Variants in CPM observed in about 807,000 individuals in gnomAD.
CPM encodes renal carboxypeptidase.
Under a neutral mutation model 46.4 loss-of-function variants are expected in CPM, and 35 were observed. That is an observed-to-expected ratio of 0.75 (90% CI 0.58 to 1.00). The LOEUF is 1.00. Ranked by LOEUF, CPM falls within the 50% of genes least tolerant of loss-of-function variation. The pLI, the probability that CPM is intolerant of heterozygous loss-of-function variation, is 0.00. For missense variants in CPM, 422 were observed against 530.4 expected (o/e 0.80, Z 2.01); for synonymous variants, 195 against 195.3 (o/e 1.00, Z 0.01).
downstream of CPM, chr12:68,848,527 A>C (rs1884484118): frequency 2.0e-5 from 3 of 152,202 alleles, no homozygotes; most frequent in African/African-American, 7.2e-5. Flanking sequence ...GGCAAAAAAG[A>C]AGCATTCTAA....
chr12:68,863,306 G>A (rs1376055893), intron 7 of CPM, among the ~76,000 whole-genome samples: 1 of 152,200 alleles, frequency 6.6e-6, no homozygotes, highest in Non-Finnish European at 1.5e-5. Flanking sequence ...GAAAGACAGG[G>A]CCGCAGCAGG....
In CPM at chr12:68,858,935, A is replaced by T. The variant is rs1143653; in HGVS notation, c.1077T>A (p.Ser359=). The change falls in exon 8 of 9, where the codon TCT becomes TCA. Residue 359 remains serine (S), a synonymous_variant. Transcript: ENST00000551568. The part of the protein sequence containing the change: ...GEYYLLLLPG[S]YIINVTVPGH... ...ATTGCATACTTACATTTATTATATA[A>T]GACCCAGGCAAGAGAAGGAGATAAT... The T allele has an allele frequency of 6.7e-7, 1 of 1,492,194 alleles. No individual in the cohort carries two copies. The highest frequency in any genetic ancestry group is 2.5e-5 in the East Asian group (1 of 40,532). The allele number at this position is 1,492,194 out of a possible 1,614,324, so 92.4% of individuals were successfully genotyped here. A position where few individuals can be genotyped will look rare whatever the true frequency, so the allele number is the denominator to read the frequency against.
At chr12:68,952,056 G>A (rs979120556) in intron 1 of CPM, among the ~76,000 whole-genome samples, 2 of 152,112 alleles carry the variant, frequency 1.3e-5, no homozygotes, top group African/African-American at 4.8e-5. Context: ...TTGTGCTATG[G>A]CATTTGAGAT....
chr12:68,866,357 G>A (rs11177398), intron 7 of CPM, among the ~76,000 whole-genome samples: 3 of 152,078 alleles, frequency 2.0e-5, no homozygotes, highest in East Asian at 3.9e-4. Context: ...TTTTTGAGAT[G>A]GAGTCTTACT....
At chr12:68,917,112 C>T (rs1480997531) in intron 2 of CPM, among the ~76,000 whole-genome samples, 1 of 152,128 alleles carries the variant, frequency 6.6e-6, no homozygotes, top group Non-Finnish European at 1.5e-5. Context: ...TCCTTTCTCC[C>T]CTCCAGCCAC....
downstream of CPM, chr12:68,849,831 T>G (rs1435092893): frequency 6.6e-6 from 1 of 150,452 alleles, no homozygotes; most frequent in African/African-American, 2.5e-5. Flanking sequence ...CAGGCTAGTC[T>G]CGAACTCCTG....
intron 1 of CPM, among the ~76,000 whole-genome samples, chr12:68,948,174 C>T (rs1322664901): frequency 5.3e-5 from 8 of 152,156 alleles, no homozygotes; most frequent in Non-Finnish European, 1.2e-4. Context: ...TTGATCTGTT[C>T]CCTCGAGCAC....
intron 7 of CPM, among the ~76,000 whole-genome samples, chr12:68,861,591 G>A (rs1885216432): frequency 1.3e-5 from 2 of 151,120 alleles, no homozygotes; most frequent in African/African-American, 2.4e-5. Flanking sequence ...CTGCAATGGC[G>A]CGATCTCAGC....
chr12:68,927,325 C>A (rs1345536457), intron 2 of CPM, among the ~76,000 whole-genome samples: 1 of 151,416 alleles, frequency 6.6e-6, no homozygotes, highest in Non-Finnish European at 1.5e-5. Context: ...TGATGGTGAG[C>A]ATTTTTTCAT....
At chr12:68,872,828 T>C (rs1197334247) in intron 3 of CPM, among the ~76,000 whole-genome samples, 3 of 152,040 alleles carry the variant, frequency 2.0e-5, no homozygotes, top group African/African-American at 4.8e-5. Flanking sequence ...CTTTTCTAGA[T>C]ATATATTTCT....
intron 7 of CPM, among the ~76,000 whole-genome samples, chr12:68,861,774 C>T (rs1490066640): frequency 1.3e-5 from 2 of 151,522 alleles, no homozygotes; most frequent in Non-Finnish European, 2.9e-5. Flanking sequence ...ATGATCCGCC[C>T]GCCTCAGCCT....
chr12:68,916,476 GATT>G (rs1484460998), intron 2 of CPM, among the ~76,000 whole-genome samples: 2 of 152,134 alleles, frequency 1.3e-5, no homozygotes, highest in African/African-American at 4.8e-5. Context: ...AGCTCTCAGG[GATT>G]ATTATTTTTA....
chr12:68,933,911 C>T (rs530357080), upstream of CPM, among the ~76,000 whole-genome samples: 1 of 152,318 alleles, frequency 6.6e-6, no homozygotes, highest in Admixed American at 6.5e-5. Flanking sequence ...CTTCCTCCAC[C>T]TGCACCTGAG....
intron 1 of CPM, among the ~76,000 whole-genome samples, chr12:68,959,917 C>T (rs1002728852): frequency 1.3e-5 from 2 of 152,188 alleles, no homozygotes; most frequent in Admixed American, 6.5e-5. Context: ...CAAGAAAAAT[C>T]GGTTAGCTTC....
At chr12:68,961,300 C>T (rs538337052) in intron 1 of CPM, among the ~76,000 whole-genome samples, 2 of 152,246 alleles carry the variant, frequency 1.3e-5, no homozygotes, top group Non-Finnish European at 2.9e-5. Context: ...CACATGCCCC[C>T]ATGCCTGGCT....
chr12:68,917,932 G>C (rs1284035353), intron 2 of CPM, among the ~76,000 whole-genome samples: 1 of 152,176 alleles, frequency 6.6e-6, no homozygotes, highest in African/African-American at 2.4e-5. Context: ...AATCCCTACA[G>C]AGAGAGGACA....
chr12:68,926,710 C>T lies in CPM; in HGVS notation c.160+5968G>A, dbSNP rs370840106. The stretch of plus-strand genomic sequence containing the variant: ...TATATCTCCTAATGCTATCCCTCCC[C>T]GCTCCCCCAACCCCACAACAGTCCC... On this transcript the variant is annotated intron_variant, in intron 2 of 8. Transcript: ENST00000551568. Among the ~76,000 whole-genome samples, 29 of 152,192 alleles carry T rather than the reference C, an allele frequency of 1.9e-4. No individual in the cohort carries two copies. The East Asian group carries it at 2.7e-3, about 14-fold the overall frequency.
intron 8 of CPM, among the ~76,000 whole-genome samples, chr12:68,857,912 C>A (rs1458325097): frequency 6.6e-6 from 1 of 151,938 alleles, no homozygotes; most frequent in Non-Finnish European, 1.5e-5. Flanking sequence ...AATAAAGGGC[C>A]TTTTTAGACA....
At chr12:68,906,456 C>T (rs1887352067) in intron 2 of CPM, among the ~76,000 whole-genome samples, 1 of 151,862 alleles carries the variant, frequency 6.6e-6, no homozygotes, top group Admixed American at 6.6e-5. Context: ...ATACAATATG[C>T]AGAGAAAGCT....
Sources: allele counts gnomAD v4.1 joint callset (sites outside exome capture counted in the v4.1 genomes callset), GRCh38; gene constraint gnomAD v4.1.1; transcripts MANE v1.5; gene names NCBI Gene and HGNC (gene_info 2026-07-23, HGNC 2026-07-21).